SLC25A48: variants seen among roughly 807,000 people sequenced by gnomAD.
SLC25A48 encodes the protein CTC-321K16.1.
A neutral mutation model predicts 32.2 loss-of-function variants in SLC25A48; 29 were observed. The observed-to-expected ratio is 0.90, with a 90% confidence interval of 0.67 to 1.23. The LOEUF is 1.23. Among genes scored for constraint, SLC25A48 ranks in the 50% most tolerant of loss-of-function variants. The pLI, the probability that SLC25A48 is intolerant of heterozygous loss-of-function variation, is 0.00. For synonymous variants in SLC25A48, 164 were observed against 172.3 expected (o/e 0.95, Z 0.38); for missense variants, 399 against 422.7 (o/e 0.94, Z 0.49).
chr5:135,810,777 G>A (rs781392557), intron 3 of SLC25A48, among the ~76,000 whole-genome samples: 1 of 152,188 alleles, frequency 6.6e-6, no homozygotes, highest in Non-Finnish European at 1.5e-5. Flanking sequence ...ATCACTGAAC[G>A]CCTTCGCTTT....
At chr5:135,724,432 AG>A (rs375428611) in intron 3 of SLC25A48, among the ~76,000 whole-genome samples, 23 of 152,294 alleles carry the variant, frequency 1.5e-4, no homozygotes, top group African/African-American at 5.5e-4. Flanking sequence ...TCCTCGAGTG[AG>A]GGCCTTTCCT....
At position 135,646,105 on chromosome 5, in the gene SLC25A48, T is replaced by C. The variant is rs542799154; in HGVS notation, c.-521+11149T>C. 3.5e-4 allele frequency among the ~76,000 whole-genome samples: 53 copies of C among 152,252 alleles called. No homozygotes were observed. In the South Asian group the frequency reaches 0.01, roughly 30 times the overall value. On this transcript the variant is annotated intron_variant, in intron 3 of 10. Coordinates refer to the SLC25A48 transcript ENST00000646290. ...TATAAATAGAAGGAAGAAAGAATTT[T>C]CCCTTAGTAAGCTTCTGAGGATTAC...
At chr5:135,762,315 A>G (rs1756080783) in intron 3 of SLC25A48, among the ~76,000 whole-genome samples, 1 of 152,194 alleles carries the variant, frequency 6.6e-6, no homozygotes, top group South Asian at 2.1e-4. Context: ...TTATTTGCTG[A>G]AAATGGGGGT....
intron 3 of SLC25A48, among the ~76,000 whole-genome samples, chr5:135,722,926 A>G (rs1055416442): frequency 1.6e-4 from 24 of 152,236 alleles, no homozygotes; most frequent in African/African-American, 5.8e-4. Context: ...AGAGGGAATG[A>G]AGCGCTCCAT....
In SLC25A48 at chr5:135,850,356, G is replaced by C. The variant is rs982421933; in HGVS notation, c.91-69G>C. Reference sequence around the variant, plus strand: ...CACTATGAGCAGGGCCTTTCCCTCTGGGCATCTCCGGAGCAGTGGGGCTAT... The same window carrying C: ...CACTATGAGCAGGGCCTTTCCCTCTCGGCATCTCCGGAGCAGTGGGGCTAT... On this transcript the variant is annotated intron_variant, in intron 2 of 7. Transcript: ENST00000681962. 7.3e-6 allele frequency: 11 copies of C among 1,505,228 alleles called. No individual in the cohort carries two copies. The African/African-American group carries it at 1.5e-4, about 21-fold the overall frequency. The allele number at this position is 1,505,228 out of a possible 1,614,324, so 93.2% of individuals were successfully genotyped here.
intron 3 of SLC25A48, among the ~76,000 whole-genome samples, chr5:135,673,487 A>G (rs1753701221): frequency 6.6e-6 from 1 of 152,176 alleles, no homozygotes; most frequent in South Asian, 2.1e-4. Context: ...ATTATTGAAT[A>G]TATTTTCATT....
At chr5:135,746,678 C>T (rs1389842086) in intron 3 of SLC25A48, among the ~76,000 whole-genome samples, 1 of 152,206 alleles carries the variant, frequency 6.6e-6, no homozygotes, top group African/African-American at 2.4e-5. Flanking sequence ...AGGCATTCTT[C>T]ATGACCTCAG....
intron 3 of SLC25A48, among the ~76,000 whole-genome samples, chr5:135,680,760 C>T (rs148414193): frequency 5.9e-5 from 9 of 152,302 alleles, no homozygotes; most frequent in African/African-American, 1.4e-4. Context: ...TCCCATGACA[C>T]GTGGAGATTG....
intron 3 of SLC25A48, among the ~76,000 whole-genome samples, chr5:135,731,921 T>C (rs1024904559): frequency 6.6e-6 from 1 of 152,246 alleles, no homozygotes; most frequent in Non-Finnish European, 1.5e-5. Context: ...TTATGAGTAG[T>C]TGAGTACGGT....
At chr5:135,842,796 C>T (rs1025457089) in intron 2 of SLC25A48, among the ~76,000 whole-genome samples, 1 of 152,230 alleles carries the variant, frequency 6.6e-6, no homozygotes, top group African/African-American at 2.4e-5. Flanking sequence ...GGAAGGGGCT[C>T]ATCTCAGATC....
chr5:135,634,712 A>G (rs1257521354), intron 2 of SLC25A48: 1 of 152,308 alleles, frequency 6.6e-6, no homozygotes, highest in Non-Finnish European at 1.5e-5. Context: ...AAAGGGGGTG[A>G]AGTCTGGGAG....
chr5:135,736,578 G>A (rs1343023021), intron 3 of SLC25A48, among the ~76,000 whole-genome samples: 1 of 152,072 alleles, frequency 6.6e-6, no homozygotes, highest in Non-Finnish European at 1.5e-5. Context: ...AAGCGGAAAA[G>A]GGGTAGAGAC....
intron 6 of SLC25A48, chr5:135,876,262 C>T (rs1411871275): frequency 6.7e-6 from 1 of 150,108 alleles, no homozygotes; most frequent in Admixed American, 6.7e-5. Context: ...TGTCTACTTC[C>T]CCAAATATTA....
Position 135,614,440 on chromosome 5 carries a change from A to G in SLC25A48, c.-848-14797A>G, listed in dbSNP as rs79593038. On this transcript the variant is annotated intron_variant, in intron 1 of 10. Transcript: ENST00000646290. The stretch of plus-strand genomic sequence containing the variant: ...TTGCCTGGTTGCTCTAGCTAGGACT[A>G]CCAGTACTGTGTTGAATACGAGTGG... Among the ~76,000 whole-genome samples the G allele has an allele frequency of 1.4e-3, 211 of 152,264 alleles. 6 individuals carry two copies. In the East Asian group the frequency reaches 0.037, roughly 27 times the overall value.
intron 4 of SLC25A48, among the ~76,000 whole-genome samples, chr5:135,814,197 G>A (rs1359237804): frequency 6.6e-5 from 10 of 152,164 alleles, no homozygotes; most frequent in Admixed American, 6.5e-4. Flanking sequence ...CCCTGACTGG[G>A]CTTCTGCACC....
intron 4 of SLC25A48, among the ~76,000 whole-genome samples, chr5:135,823,496 T>C (rs969969359): frequency 1.3e-5 from 2 of 152,214 alleles, no homozygotes; most frequent in African/African-American, 4.8e-5. Context: ...TGTCTGCCTC[T>C]TTCCTTCCCT....
chr5:135,850,566 C>T, intron 3 of SLC25A48, 70 bp downstream of exon 3: 2 of 1,474,216 alleles, frequency 1.4e-6, no homozygotes, highest in Non-Finnish European at 9.4e-7. Flanking sequence ...AGGGCCACAG[C>T]CCCACACCAG....
At chr5:135,883,343 A>T in intron 7 of SLC25A48, 1 of 985,504 alleles carries the variant, frequency 1.0e-6, no homozygotes, top group Non-Finnish European at 1.2e-6. Flanking sequence ...AACAAAACAA[A>T]ACTGGAGTAA....
At chr5:135,675,791 C>A (rs1753755235) in intron 3 of SLC25A48, among the ~76,000 whole-genome samples, 1 of 151,938 alleles carries the variant, frequency 6.6e-6, no homozygotes, top group African/African-American at 2.4e-5. Flanking sequence ...TTGCTTTGGG[C>A]AATATGGTCA....
Sources: allele counts gnomAD v4.1 joint callset (sites outside exome capture counted in the v4.1 genomes callset), GRCh38; gene constraint gnomAD v4.1.1; transcripts MANE v1.5; gene names NCBI Gene and HGNC (gene_info 2026-07-23, HGNC 2026-07-21).